The following CORO2B variants were observed in gnomAD, a reference collection of about 807,000 sequenced individuals.
CORO2B encodes coronin-2B.
In CORO2B, 26 loss-of-function variants were observed where a neutral mutation model predicts 58.8. The observed-to-expected ratio is 0.44, with a 90% CI of 0.32 to 0.61. CORO2B has a LOEUF of 0.61. Ranked by LOEUF, CORO2B falls within the 20% of genes least tolerant of loss-of-function variation. The pLI, the probability that CORO2B is intolerant of heterozygous loss-of-function variation, is 0.04. For synonymous variants in CORO2B, 242 were observed against 253.8 expected, an observed-to-expected ratio of 0.95 and a Z score of 0.44; for missense variants, 460 against 645.1, an observed-to-expected ratio of 0.71 and a Z score of 3.11.
chr15:68,518,526 C>T, the CORO2B span, among the ~76,000 whole-genome samples: 1 of 152,128 alleles, frequency 6.6e-6, no homozygotes, highest in African/African-American at 2.4e-5. Context: ...ACTCTCTTCT[C>T]TCCTCCTCCC....
the CORO2B span, among the ~76,000 whole-genome samples, chr15:68,552,874 C>T: frequency 2.6e-5 from 4 of 152,326 alleles, no homozygotes; most frequent in Admixed American, 1.3e-4. Context: ...AAGCAGGGAG[C>T]CTGACCAGGA....
intron 2 of CORO2B, among the ~76,000 whole-genome samples, chr15:68,656,334 C>A (rs1377351182): frequency 3.3e-5 from 5 of 152,010 alleles, no homozygotes; most frequent in Non-Finnish European, 7.4e-5. Context: ...TCCCCCCTTT[C>A]CATTCCACTC....
chr15:68,677,240 A>G (rs1027897686), intron 2 of CORO2B, among the ~76,000 whole-genome samples: 6 of 152,150 alleles, frequency 3.9e-5, no homozygotes, highest in African/African-American at 1.4e-4. Flanking sequence ...CCCAAGCCCC[A>G]TCACTATATT....
the CORO2B span, among the ~76,000 whole-genome samples, chr15:68,550,828 A>G: frequency 6.6e-6 from 1 of 151,966 alleles, no homozygotes; most frequent in East Asian, 1.9e-4. Flanking sequence ...CCAAAGGGGG[A>G]CCCCAAGACT....
intron 3 of CORO2B, among the ~76,000 whole-genome samples, chr15:68,708,917 G>A (rs1368761001): frequency 2.6e-5 from 4 of 152,334 alleles, no homozygotes; most frequent in East Asian, 1.9e-4. Flanking sequence ...CTGGGCTCAC[G>A]TGATCCTCCT....
At chr15:68,524,146 A>C in the CORO2B span, among the ~76,000 whole-genome samples, 1 of 152,072 alleles carries the variant, frequency 6.6e-6, no homozygotes, top group Admixed American at 6.5e-5. Context: ...GGACCGCTTG[A>C]GCCCAGGAGG....
intron 2 of CORO2B, among the ~76,000 whole-genome samples, chr15:68,679,440 A>G (rs567629342): frequency 3.9e-5 from 6 of 152,326 alleles, no homozygotes; most frequent in South Asian, 2.1e-4. Flanking sequence ...GGTGACAGCC[A>G]TGACAGCCAT....
At chr15:68,651,279 G>T (rs1215447363) in intron 2 of CORO2B, among the ~76,000 whole-genome samples, 2 of 152,364 alleles carry the variant, frequency 1.3e-5, no homozygotes, top group Admixed American at 1.3e-4. Context: ...CCTGTGGTCA[G>T]GGCTGGGCCT....
intron 2 of CORO2B, among the ~76,000 whole-genome samples, chr15:68,670,322 G>A (rs1445377871): frequency 2.0e-5 from 3 of 152,044 alleles, no homozygotes; most frequent in East Asian, 1.9e-4. Flanking sequence ...CTTCAGGTGT[G>A]CACCACTAAG....
At chr15:68,566,443 T>G in the CORO2B span, among the ~76,000 whole-genome samples, 1 of 152,182 alleles carries the variant, frequency 6.6e-6, no homozygotes, top group African/African-American at 2.4e-5. Context: ...GGAACTCCAC[T>G]TAAAATCGGG....
At chr15:68,554,578 G>A in the CORO2B span, among the ~76,000 whole-genome samples, 1 of 152,158 alleles carries the variant, frequency 6.6e-6, no homozygotes, top group East Asian at 1.9e-4. Flanking sequence ...CTCCTCATGT[G>A]CCGAGTAACA....
rs766159237 is a variant in CORO2B, at chr15:68,695,247, G to A, written c.324G>A (p.Glu108=). The A allele has an allele frequency of 1.9e-6, 3 of 1,613,454 alleles. No homozygotes were observed. The highest frequency in any genetic ancestry group is 2.2e-5 in the East Asian group (1 of 44,886). The change falls in exon 3 of 12, where the codon GAG becomes GAA. Residue 108 remains glutamate, a synonymous_variant. Transcript: ENST00000261861. The stretch of plus-strand genomic sequence containing the variant: ...ACAACATCATTGCCTCGTGCTCGGA[G>A]GACACGTCGGTGAGCAGAGGGGTGC... ...FIDNIIASCS[E]DTSVRIWEIP...
chr15:68,642,439 G>T (rs1479017917), intron 1 of CORO2B, among the ~76,000 whole-genome samples: 2 of 152,112 alleles, frequency 1.3e-5, no homozygotes, highest in Non-Finnish European at 2.9e-5. Flanking sequence ...GCCCAGCCAC[G>T]GGCTGTGCTG....
intron 1 of CORO2B, among the ~76,000 whole-genome samples, chr15:68,579,496 G>T (rs1025753538): frequency 6.6e-6 from 1 of 151,856 alleles, no homozygotes; most frequent in African/African-American, 2.4e-5. Flanking sequence ...CCGGCGGTTT[G>T]GCCAACATCC....
the CORO2B span, among the ~76,000 whole-genome samples, chr15:68,568,249 C>T: frequency 6.6e-6 from 1 of 152,104 alleles, no homozygotes; most frequent in Non-Finnish European, 1.5e-5. Context: ...TCTCTCCCTT[C>T]CCTGCACTGC....
chr15:68,682,697 C>G (rs1008276268), intron 2 of CORO2B, among the ~76,000 whole-genome samples: 1 of 152,102 alleles, frequency 6.6e-6, no homozygotes, highest in Non-Finnish European at 1.5e-5. Context: ...CCTCACTTTT[C>G]GGAGGGAGAG....
intron 3 of CORO2B, among the ~76,000 whole-genome samples, chr15:68,699,395 GA>G (rs1892588634): frequency 6.7e-6 from 1 of 148,224 alleles, no homozygotes; most frequent in Admixed American, 6.7e-5. Context: ...CAGATTTATG[GA>G]GGACATGGGG....
In CORO2B at chr15:68,702,821, C is replaced by CTTTTTTTTTTTTTTTTTTTTT. The variant is rs113249272; in HGVS notation, c.333+7568_333+7588dup. Among the ~76,000 whole-genome samples, 7 of 96,256 alleles carry CTTTTTTTTTTTTTTTTTTTTT rather than the reference C, an allele frequency of 7.3e-5. 1 individual carries two copies. Among genetic ancestry groups the CTTTTTTTTTTTTTTTTTTTTT allele is most frequent in the Non-Finnish European group, 9.6e-5 (5 of 51,866 alleles). 63.1% of individuals were successfully genotyped at this position (96,256 alleles called of 152,430 possible). On this transcript the variant is annotated intron_variant, in intron 3 of 11. Coordinates refer to ENST00000261861, the MANE Select transcript of CORO2B (RefSeq NM_006091.5). The stretch of plus-strand genomic sequence containing the variant: ...ACCATATCTTTTTCTTTTTCTTTTT[C>CTTTTTTTTTTTTTTTTTTTTT]TTTTTTTTTTTTTTTTTTTTTTTGA...
In CORO2B at chr15:68,710,935, C is replaced by T; in HGVS notation, c.483+54C>T. ...GAGGGATTGGGGAAGAGAAAGGGGC[C>T]TTTTGGGTACCCGTAGGAAGCACTG... On this transcript the variant is annotated intron_variant, in intron 4 of 11. Transcript: ENST00000261861. This position sits in a 1 kb window ranked among gnomAD's most constrained non-coding sequence, Gnocchi z 4.1. 6.6e-7 allele frequency: 1 copy of T among 1,520,720 alleles called. No homozygotes were observed. The highest frequency in any genetic ancestry group is 8.9e-7 in the Non-Finnish European group (1 of 1,127,752). 94.2% of individuals were successfully genotyped at this position (1,520,720 alleles called of 1,614,324 possible).
Sources: allele counts gnomAD v4.1 joint callset (sites outside exome capture counted in the v4.1 genomes callset), GRCh38; gene constraint gnomAD v4.1.1; non-coding constraint Gnocchi (gnomAD v3.1); transcripts MANE v1.5; gene names NCBI Gene and HGNC (gene_info 2026-07-23, HGNC 2026-07-21).